Variants in ZNF469 observed in about 807,000 individuals in gnomAD.
The protein encoded by ZNF469 is zinc finger protein 469.
A neutral mutation model predicts 1.0 loss-of-function variants in ZNF469; 1 was observed. The ratio of observed to expected loss-of-function variants is 1.00; its 90% CI spans 0.35 to 4.73. The LOEUF is 4.73. Among genes scored for constraint, ZNF469 ranks in the 30% most tolerant of loss-of-function variants. The pLI is 0.16. For missense variants in ZNF469, 6,100 were observed against 5,356.3 expected (o/e 1.14, Z -4.33); for synonymous variants, 2,703 against 2,363.4 (o/e 1.14, Z -4.17).
the ZNF469 span, among the ~76,000 whole-genome samples, chr16:88,239,667 GTATATATATATATATATA>G: frequency 6.4e-4 from 18 of 28,216 alleles, 1 homozygote; most frequent in South Asian, 4.8e-3. Context: ...TTTTTTTTTT[GTATATATATATATATATA>G]TATATATATA....
At chr16:88,301,348 G>T in the ZNF469 span, among the ~76,000 whole-genome samples, 8 of 152,074 alleles carry the variant, frequency 5.3e-5, no homozygotes, top group African/African-American at 1.9e-4. Flanking sequence ...TAGAGACGGG[G>T]TCTCACCATG....
chr16:88,243,934 ATATATATATATATAT>A, the ZNF469 span, among the ~76,000 whole-genome samples: 14 of 103,764 alleles, frequency 1.3e-4, 1 homozygote, highest in Non-Finnish European at 2.5e-4. Flanking sequence ...ATATATATAT[ATATATATATATATAT>A]ATAAATGTAT....
chr16:88,226,999 C>A, the ZNF469 span, among the ~76,000 whole-genome samples: 1 of 150,046 alleles, frequency 6.7e-6, no homozygotes, highest in Non-Finnish European at 1.5e-5. Flanking sequence ...GCGTTTCCAC[C>A]CGTGCCTCCT....
At chr16:88,342,072 G>A in the ZNF469 span, among the ~76,000 whole-genome samples, 5 of 151,944 alleles carry the variant, frequency 3.3e-5, no homozygotes, top group East Asian at 1.9e-4. Context: ...TGTGCAGGGC[G>A]GGGCGGGGCT....
At chr16:88,185,636 TCA>T in the ZNF469 span, among the ~76,000 whole-genome samples, 1 of 145,690 alleles carries the variant, frequency 6.9e-6, no homozygotes, top group Non-Finnish European at 1.5e-5. Context: ...ATTTGCACAC[TCA>T]CACATGTGAA....
At position 88,429,229 on chromosome 16, in the gene ZNF469, TC is replaced by T; in HGVS notation, c.1764del (p.Ser589AlafsTer143). ...GCCCCCACCGAGGGTAGTGGGAGCC[TC>T]CCCCAGCGAGTCCCCACTGCCGTCA... ...SLPPPRVVGA[S>X]PSESPLPSPA... On this transcript the variant is annotated frameshift_variant, in exon 3 of 3. Coordinates refer to ENST00000565624, the MANE Select transcript of ZNF469 (RefSeq NM_001367624.2). LOFTEE classifies it low-confidence loss of function (END_TRUNC). The T allele has an allele frequency of 6.5e-7, 1 of 1,549,224 alleles. No homozygotes were observed. The highest frequency in any genetic ancestry group is 8.7e-7 in the Non-Finnish European group (1 of 1,146,702).
At chr16:88,232,375 C>T in the ZNF469 span, among the ~76,000 whole-genome samples, 3 of 152,126 alleles carry the variant, frequency 2.0e-5, no homozygotes, top group East Asian at 3.9e-4. Context: ...TGGGAGGTGG[C>T]GTCAACAGCT....
At chr16:88,231,950 C>T in the ZNF469 span, among the ~76,000 whole-genome samples, 1 of 152,150 alleles carries the variant, frequency 6.6e-6, no homozygotes, top group African/African-American at 2.4e-5. The surrounding 1 kb of genome is among the most constrained non-coding windows in gnomAD (Gnocchi z 4.5). Context: ...GCAGCCAAGC[C>T]GCAGGAGGCA....
At chr16:88,277,304 A>T in the ZNF469 span, among the ~76,000 whole-genome samples, 3 of 145,212 alleles carry the variant, frequency 2.1e-5, no homozygotes, top group African/African-American at 7.6e-5. Flanking sequence ...AGTCAGTACC[A>T]TGTAGATATC....
At chr16:88,127,434 G>A in the ZNF469 span, among the ~76,000 whole-genome samples, 1 of 152,202 alleles carries the variant, frequency 6.6e-6, no homozygotes, top group South Asian at 2.1e-4. Context: ...TTTCTATTTG[G>A]TCAGTTGACT....
At chr16:88,160,763 C>T in the ZNF469 span, among the ~76,000 whole-genome samples, 8 of 152,302 alleles carry the variant, frequency 5.3e-5, no homozygotes, top group Admixed American at 2.0e-4. Flanking sequence ...TCTGACATTG[C>T]ACCTTTTCCC....
At chr16:88,179,176 C>T in the ZNF469 span, among the ~76,000 whole-genome samples, 5 of 152,150 alleles carry the variant, frequency 3.3e-5, no homozygotes, top group East Asian at 9.7e-4. Flanking sequence ...GTGTCCCCTC[C>T]ACATCTCATG....
At chr16:88,183,207 G>A in the ZNF469 span, among the ~76,000 whole-genome samples, 1 of 152,212 alleles carries the variant, frequency 6.6e-6, no homozygotes, top group Admixed American at 6.5e-5. Context: ...CTGGAGTCGC[G>A]GGCGTTGCTG....
the ZNF469 span, among the ~76,000 whole-genome samples, chr16:88,121,413 A>G: frequency 6.6e-6 from 1 of 152,236 alleles, no homozygotes; most frequent in Admixed American, 6.5e-5. Context: ...CATGAGCCGA[A>G]CATTTCAGTA....
the ZNF469 span, among the ~76,000 whole-genome samples, chr16:88,234,265 C>T: frequency 4.6e-5 from 7 of 152,354 alleles, no homozygotes; most frequent in African/African-American, 1.7e-4. Flanking sequence ...GTCGTGGCCT[C>T]CCTCTTGAGT....
chr16:88,242,789 C>G, the ZNF469 span, among the ~76,000 whole-genome samples: 1 of 152,234 alleles, frequency 6.6e-6, no homozygotes. Flanking sequence ...GGCACTGTCT[C>G]TAAAGCCCAG....
At chr16:88,280,684 A>C in the ZNF469 span, among the ~76,000 whole-genome samples, 1 of 144,398 alleles carries the variant, frequency 6.9e-6, no homozygotes, top group Non-Finnish European at 1.5e-5. Context: ...GGTCAGTACC[A>C]TGCATGGGTT....
chr16:88,115,738 G>A, the ZNF469 span, among the ~76,000 whole-genome samples: 1 of 150,574 alleles, frequency 6.6e-6, no homozygotes, highest in Non-Finnish European at 1.5e-5. Context: ...CTCCTTCTGG[G>A]GGCTCTGGGT....
At chr16:88,181,564 G>C in the ZNF469 span, among the ~76,000 whole-genome samples, 15,394 of 152,062 alleles carry the variant, frequency 0.1, 1,027 homozygotes, top group East Asian at 0.26. Context: ...TAAAATGACT[G>C]ATAGATCAAA....
Sources: gnomAD v4.1 joint callset for allele counts (sites outside exome capture counted in the v4.1 genomes callset) on GRCh38, gnomAD v4.1.1 for gene constraint, Gnocchi (gnomAD v3.1) non-coding constraint, MANE v1.5 for transcripts, NCBI Gene and HGNC (gene_info 2026-07-23, HGNC 2026-07-21) for gene names.